ABI2: variants seen among roughly 807,000 people sequenced by gnomAD.
ABI2 encodes abl interactor 2, also known as abelson interactor 2.
A neutral mutation model predicts 59.2 loss-of-function variants in ABI2; 25 were observed. The ratio of observed to expected loss-of-function variants is 0.42; its 90% CI spans 0.31 to 0.59. The LOEUF (loss-of-function observed/expected upper bound fraction) is 0.59. Ranked by LOEUF, ABI2 falls within the 20% of genes least tolerant of loss-of-function variation. The pLI is 0.14. For synonymous variants in ABI2, 213 were observed against 235.5 expected, an observed-to-expected ratio of 0.90 and a Z score of 0.87; for missense variants, 545 against 681.8, an observed-to-expected ratio of 0.80 and a Z score of 2.23.
Position 203,376,124 on chromosome 2 carries a change from T to C in ABI2, c.286-4084T>C. Reference sequence around the variant, plus strand: ...ATTTGGAAACAATTGCAGTTTGAGATTGAATGAGGTAAGGGACCAGCTAAT... The same window carrying C: ...ATTTGGAAACAATTGCAGTTTGAGACTGAATGAGGTAAGGGACCAGCTAAT... On this transcript the variant is annotated intron_variant, in intron 2 of 11. Coordinates refer to ENST00000261018, the MANE Select transcript of ABI2 (RefSeq NM_001375670.1). 1.3e-6 allele frequency: 2 copies of C among 1,534,130 alleles called. 1 individual carries two copies. Among genetic ancestry groups the C allele is most frequent in the South Asian group, 2.4e-5 (2 of 83,712 alleles).
At chr2:203,417,353 T>C (rs999339713) in intron 11 of ABI2, among the ~76,000 whole-genome samples, 4 of 152,360 alleles carry the variant, frequency 2.6e-5, no homozygotes, top group African/African-American at 9.6e-5. Flanking sequence ...TCTGTTTTCC[T>C]TTGGCCTCAG....
At position 203,351,972 on chromosome 2, in the gene ABI2, G is replaced by A. The variant is rs151151616; in HGVS notation, c.118-14905G>A. Among the ~76,000 whole-genome samples, 780 of 152,266 alleles carry A rather than the reference G, an allele frequency of 5.1e-3. 11 individuals carry two copies. The highest frequency in any genetic ancestry group is 0.017 in the African/African-American group (725 of 41,568). Reference sequence around the variant, plus strand: ...CCTAACACCTAGTGACATGGTAGCCGTCCTAATGTTGTAGCACAATGCATT... The same window carrying A: ...CCTAACACCTAGTGACATGGTAGCCATCCTAATGTTGTAGCACAATGCATT... On this transcript the variant is annotated intron_variant, in intron 1 of 11. Coordinates refer to ENST00000261018, the MANE Select transcript of ABI2 (RefSeq NM_001375670.1).
chr2:203,352,927 G>A (rs1056581506), intron 1 of ABI2, among the ~76,000 whole-genome samples: 7 of 152,192 alleles, frequency 4.6e-5, no homozygotes, highest in African/African-American at 1.7e-4. Context: ...TTACCATTAT[G>A]TTAAAACTCT....
intron 9 of ABI2, among the ~76,000 whole-genome samples, chr2:203,405,136 T>A (rs1264613147): frequency 1.3e-5 from 2 of 152,234 alleles, no homozygotes; most frequent in African/African-American, 4.8e-5. Flanking sequence ...GTGTAATGTG[T>A]GAGTCAATTT....
chr2:203,414,883 T>G (rs2097829518), intron 10 of ABI2, among the ~76,000 whole-genome samples: 1 of 152,168 alleles, frequency 6.6e-6, no homozygotes, highest in South Asian at 2.1e-4. Flanking sequence ...AATGAAATAA[T>G]GCATTACAAA....
intron 11 of ABI2, among the ~76,000 whole-genome samples, chr2:203,419,048 G>A (rs1319707548): frequency 1.3e-5 from 2 of 151,380 alleles, no homozygotes; most frequent in African/African-American, 4.8e-5. Flanking sequence ...AAGTAATGAA[G>A]GAAAATGTCA....
chr2:203,339,445 T>C (rs1317370263), intron 1 of ABI2, among the ~76,000 whole-genome samples: 1 of 150,916 alleles, frequency 6.6e-6, no homozygotes, highest in African/African-American at 2.4e-5. Context: ...CTGGGTGTGG[T>C]TGGCGGGTGT....
At chr2:203,381,587 A>G (rs1450436258) in intron 3 of ABI2, among the ~76,000 whole-genome samples, 2 of 152,216 alleles carry the variant, frequency 1.3e-5, no homozygotes, top group African/African-American at 4.8e-5. Flanking sequence ...TTTATAGCCA[A>G]TACCTACATG....
intron 11 of ABI2, among the ~76,000 whole-genome samples, chr2:203,423,759 C>G (rs969209457): frequency 7.2e-5 from 11 of 152,132 alleles, no homozygotes; most frequent in Admixed American, 6.5e-4. Flanking sequence ...TACCATTATT[C>G]TTTGCTTATC....
chr2:203,408,487 A>G (rs183029324), intron 9 of ABI2, among the ~76,000 whole-genome samples: 3 of 151,846 alleles, frequency 2.0e-5, no homozygotes, highest in African/African-American at 4.8e-5. Context: ...TAAAACCACT[A>G]TGGCTTCAGA....
chr2:203,381,167 T>G (rs2096097821), intron 3 of ABI2, among the ~76,000 whole-genome samples: 2 of 152,238 alleles, frequency 1.3e-5, no homozygotes, highest in Non-Finnish European at 2.9e-5. Context: ...ATCAGTTAAA[T>G]CTAAATTTAA....
At chr2:203,394,010 A>G (rs911152527) in intron 5 of ABI2, among the ~76,000 whole-genome samples, 16 of 152,226 alleles carry the variant, frequency 1.1e-4, no homozygotes, top group Admixed American at 2.6e-4. Flanking sequence ...TTTACAGTTC[A>G]AAGTAAATAA....
chr2:203,376,286 C>T (rs2095671750), intron 2 of ABI2, among the ~76,000 whole-genome samples: 1 of 152,146 alleles, frequency 6.6e-6, no homozygotes, highest in Non-Finnish European at 1.5e-5. Flanking sequence ...GGATGCTTTT[C>T]TATATTCTGC....
intron 1 of ABI2, among the ~76,000 whole-genome samples, chr2:203,345,166 A>T (rs952781543): frequency 6.6e-6 from 1 of 152,186 alleles, no homozygotes; most frequent in Non-Finnish European, 1.5e-5. Context: ...TAACACTCAC[A>T]TTGAAGGTCT....
In ABI2 at chr2:203,426,592, A is replaced by ATG. The variant is rs558054471; in HGVS notation, c.1454-583_1454-582dup. ...TGCAGCATATGTTTTGAAAAAATAT[A>ATG]TGTAGCGGACTCCCATCATTCATAC... On this transcript the variant is annotated intron_variant, in intron 11 of 11. Coordinates refer to ENST00000261018, the MANE Select transcript of ABI2 (RefSeq NM_001375670.1). 3.0e-4 allele frequency among the ~76,000 whole-genome samples: 46 copies of ATG among 152,262 alleles called. 1 individual carries two copies. In the South Asian group the frequency reaches 9.5e-3, roughly 32 times the overall value.
Position 203,429,479 on chromosome 2 carries a change from C to T in ABI2, c.*2127C>T, listed in dbSNP as rs1210172486. 2.6e-5 allele frequency: 4 copies of T among 152,192 alleles called. No individual in the cohort carries two copies. Among genetic ancestry groups the T allele is most frequent in the Non-Finnish European group, 1.5e-5 (1 of 68,052 alleles). 9.4% of individuals were successfully genotyped at this position (152,192 alleles called of 1,614,324 possible). A position where few individuals can be genotyped will look rare whatever the true frequency, so the allele number is the denominator to read the frequency against. ...AAATCCAATAAATAGTTCCCACAGG[C>T]TGGGTGTGGTGGCTTATGCCTGTAA... On this transcript the variant is annotated 3_prime_UTR_variant, in exon 12 of 12. Coordinates refer to ENST00000261018, the MANE Select transcript of ABI2 (RefSeq NM_001375670.1).
chr2:203,402,583 T>C lies in ABI2; in HGVS notation c.1041T>C (p.Pro347=). 4.5e-6 allele frequency: 7 copies of C among 1,545,940 alleles called. No individual in the cohort carries two copies. The highest frequency in any genetic ancestry group is 6.1e-6 in the Non-Finnish European group (7 of 1,153,794). The part of the protein sequence containing the change: ...VVSSTPPTGH[P]VQFYSMNRPA... ...GTTCTATCTCTTTTTCAGGTCATCCTGTACAGTTCTACAGCATGAATAGGC... is the reference window on the plus strand; with the variant it reads ...GTTCTATCTCTTTTTCAGGTCATCCCGTACAGTTCTACAGCATGAATAGGC... Residue 347 remains proline (P), a synonymous_variant, in exon 9 of 12, where the codon CCT becomes CCC. Transcript: ENST00000261018.
chr2:203,402,180 G>A (rs1189563441), intron 8 of ABI2, among the ~76,000 whole-genome samples: 1 of 151,756 alleles, frequency 6.6e-6, no homozygotes, highest in Non-Finnish European at 1.5e-5. Context: ...AATTACAGGC[G>A]CACGCCACCA....
chr2:203,396,500 TAAC>T (rs964806935), intron 7 of ABI2, among the ~76,000 whole-genome samples: 4 of 152,182 alleles, frequency 2.6e-5, no homozygotes, highest in South Asian at 2.1e-4. Context: ...ATGCTAAAAA[TAAC>T]AATACGAAGG....
Sources: gnomAD v4.1 joint callset for allele counts (sites outside exome capture counted in the v4.1 genomes callset) on GRCh38, gnomAD v4.1.1 for gene constraint, MANE v1.5 for transcripts, NCBI Gene and HGNC (gene_info 2026-07-23, HGNC 2026-07-21) for gene names.